The following RETREG3 variants were observed in gnomAD, a reference collection of about 807,000 sequenced individuals.
RETREG3 encodes the protein reticulophagy regulator 3.
RETREG3 carries 23 observed loss-of-function variants against 50.2 expected under a neutral mutation model. The ratio of observed to expected loss-of-function variants is 0.46; its 90% CI spans 0.33 to 0.65. The LOEUF is 0.65. Among genes scored for constraint, RETREG3 ranks in the 30% least tolerant of loss-of-function variants. The pLI, the probability that RETREG3 is intolerant of heterozygous loss-of-function variation, is 0.02. For synonymous variants in RETREG3, 240 were observed against 234.4 expected (o/e 1.02, Z -0.22); for missense variants, 546 against 598.0 (o/e 0.91, Z 0.91).
chr17:42,598,297 T>C (rs1277740904), intron 1 of RETREG3, among the ~76,000 whole-genome samples: 1 of 152,070 alleles, frequency 6.6e-6, no homozygotes, highest in Non-Finnish European at 1.5e-5. Context: ...TCTGAAGTTA[T>C]TATTGTGGCT....
Position 42,582,609 on chromosome 17 carries a change from T to A in RETREG3, c.943+65A>T, listed in dbSNP as rs2093111881. On this transcript the variant is annotated intron_variant, in intron 8 of 8. Transcript: ENST00000309428. Reference sequence around the variant, plus strand: ...GAGGGGCAAGCACCAGTATCCCCTCTGTTCAGGGAAGCTAAGAGGCAACAG... The same window carrying A: ...GAGGGGCAAGCACCAGTATCCCCTCAGTTCAGGGAAGCTAAGAGGCAACAG... 1.9e-6 allele frequency: 3 copies of A among 1,599,904 alleles called. No individual in the cohort carries two copies. In the East Asian group the frequency reaches 6.7e-5, roughly 36 times the overall value.
chr17:42,590,898 C>A (rs1231131893), intron 2 of RETREG3, among the ~76,000 whole-genome samples: 3 of 151,926 alleles, frequency 2.0e-5, no homozygotes, highest in African/African-American at 4.8e-5. Flanking sequence ...ACCTGGGAGG[C>A]GGAGGTTGCA....
rs1208385040 is a variant in RETREG3, at chr17:42,598,110, T to G, written c.240-5948A>C. On this transcript the variant is annotated intron_variant, in intron 1 of 8. Coordinates refer to ENST00000309428, the MANE Select transcript of RETREG3 (RefSeq NM_178126.4). ...CATTCTCCTGCCTCAGCCTCCCGAG[T>G]AGCTGGGACTACAGGCGCCCGCCAC... 4.7e-5 allele frequency among the ~76,000 whole-genome samples: 7 copies of G among 150,510 alleles called. No individual in the cohort carries two copies. The Admixed American group carries it at 4.7e-4, about 10-fold the overall frequency.
chr17:42,582,049 C>T lies in RETREG3; in HGVS notation c.1165G>A (p.Val389Ile). The T allele has an allele frequency of 6.2e-7, 1 of 1,614,068 alleles. No individual in the cohort carries two copies. Among genetic ancestry groups the T allele is most frequent in the African/African-American group, 1.3e-5 (1 of 75,010 alleles). ...LPELLLGALP[V>I]GSNLTSNLAS... Reference sequence around the variant, plus strand: ...AGGTTGCTGGTGAGGTTGGATCCTACAGGAAGAGCACCAAGCAGGAGCTCC... The same window carrying T: ...AGGTTGCTGGTGAGGTTGGATCCTATAGGAAGAGCACCAAGCAGGAGCTCC... Residue 389 changes from valine (V) to isoleucine (I), a missense_variant, in exon 9 of 9, where the codon GTA becomes ATA. Coordinates refer to ENST00000309428, the MANE Select transcript of RETREG3 (RefSeq NM_178126.4).
intron 2 of RETREG3, among the ~76,000 whole-genome samples, chr17:42,589,433 A>G (rs558064538): frequency 3.3e-5 from 5 of 152,192 alleles, no homozygotes; most frequent in Admixed American, 6.5e-5. Flanking sequence ...TTATACATAT[A>G]TAACAATTAT....
At chr17:42,588,647 C>T (rs958996338) in intron 2 of RETREG3, among the ~76,000 whole-genome samples, 3 of 151,578 alleles carry the variant, frequency 2.0e-5, no homozygotes, top group East Asian at 1.9e-4. Flanking sequence ...CGTACCCAGC[C>T]GAAATCTGCC....
intron 3 of RETREG3, among the ~76,000 whole-genome samples, chr17:42,587,402 G>A (rs551741458): frequency 3.9e-5 from 6 of 152,344 alleles, no homozygotes; most frequent in Admixed American, 3.9e-4. Flanking sequence ...GGAGCTGTAA[G>A]ACACAAGAGG....
In RETREG3 at chr17:42,597,613, ATATATATTTTTTTTT is replaced by A. The variant is rs1377473318; in HGVS notation, c.240-5466_240-5452del. On this transcript the variant is annotated intron_variant, in intron 1 of 8. Coordinates refer to ENST00000309428, the MANE Select transcript of RETREG3 (RefSeq NM_178126.4). The stretch of plus-strand genomic sequence containing the variant: ...TATATATATATATATATATATATAT[ATATATATTTTTTTTT>A]TTTTTTTTTTTTTTTTTTTGAGACA... 1.5e-3 allele frequency among the ~76,000 whole-genome samples: 78 copies of A among 53,740 alleles called. 4 individuals carry two copies. The highest frequency in any genetic ancestry group is 4.0e-3 in the African/African-American group (45 of 11,234). 35.3% of individuals were successfully genotyped at this position (53,740 alleles called of 152,430 possible).
intron 2 of RETREG3, among the ~76,000 whole-genome samples, chr17:42,588,718 C>T (rs1273885543): frequency 6.6e-6 from 1 of 152,024 alleles, no homozygotes; most frequent in Non-Finnish European, 1.5e-5. Flanking sequence ...AATGCAGTGG[C>T]ACGATCTTGG....
chr17:42,605,693 C>T (rs1422796060), intron 1 of RETREG3, among the ~76,000 whole-genome samples: 1 of 152,106 alleles, frequency 6.6e-6, no homozygotes, highest in Non-Finnish European at 1.5e-5. Context: ...TTCTTTTAGT[C>T]TCAAGAGTCA....
At chr17:42,601,301 G>A (rs552668654) in intron 1 of RETREG3, among the ~76,000 whole-genome samples, 16 of 146,214 alleles carry the variant, frequency 1.1e-4, no homozygotes, top group Non-Finnish European at 2.2e-4. Flanking sequence ...AAACTAAGAC[G>A]GTGGCTCAAG....
At chr17:42,594,117 A>G (rs1394991127) in intron 1 of RETREG3, among the ~76,000 whole-genome samples, 1 of 152,240 alleles carries the variant, frequency 6.6e-6, no homozygotes, top group East Asian at 1.9e-4. Context: ...CTAGCCTCGG[A>G]GGTAGAGGTT....
chr17:42,583,632 C>A, intron 6 of RETREG3, 52 bp from the exon 7 acceptor site: 1 of 1,545,580 alleles, frequency 6.5e-7, no homozygotes, highest in South Asian at 1.1e-5. Flanking sequence ...GCGTAAAATC[C>A]CCTTTGGACT....
chr17:42,602,889 G>A (rs529091283), intron 1 of RETREG3, among the ~76,000 whole-genome samples: 25 of 152,158 alleles, frequency 1.6e-4, no homozygotes, highest in African/African-American at 5.8e-4. Context: ...GTTGCAATAA[G>A]CCATGATCAC....
intron 1 of RETREG3, chr17:42,598,716 T>G (rs1366198941): frequency 6.6e-6 from 1 of 152,206 alleles, no homozygotes; most frequent in Non-Finnish European, 1.5e-5. Context: ...TCACGTTATA[T>G]CGTGAACACA....
chr17:42,585,358 A>G lies in RETREG3; in HGVS notation c.590-96T>C, dbSNP rs1032732394. On this transcript the variant is annotated intron_variant, in intron 5 of 8. Coordinates refer to ENST00000309428, the MANE Select transcript of RETREG3 (RefSeq NM_178126.4). ...TGCTATTGGTCCTTAGGGCTTGGAC[A>G]CAAAGTGTGGAACAGATCTGCCCAA... The G allele has an allele frequency of 6.6e-6, 10 of 1,511,098 alleles. No individual in the cohort carries two copies. In the African/African-American group the frequency reaches 1.4e-4, roughly 21 times the overall value. 93.6% of individuals were successfully genotyped at this position (1,511,098 alleles called of 1,614,324 possible).
At chr17:42,597,611 A>T (rs1597740073) in intron 1 of RETREG3, among the ~76,000 whole-genome samples, 3 of 34,472 alleles carry the variant, frequency 8.7e-5, no homozygotes, top group African/African-American at 3.3e-4. Context: ...ATATATATAT[A>T]TATATATATT....
Position 42,581,825 on chromosome 17 carries a change from A to G in RETREG3, c.1389T>C (p.Ser463=), listed in dbSNP as rs763880322. Residue 463 remains serine (S), a synonymous_variant, in exon 9 of 9, where the codon TCT becomes TCC. Transcript: ENST00000309428. ...AGGAGTCTCTGCCTCAGTGGCTCCT[A>G]GAACTGGCAGGGTCCAGCTGACTCA... ...SELSQLDPAS[S]RSH 2.0e-5 allele frequency: 31 copies of G among 1,584,664 alleles called. No individual in the cohort carries two copies. Among genetic ancestry groups the G allele is most frequent in the Non-Finnish European group, 2.5e-5 (29 of 1,163,890 alleles).
At chr17:42,597,615 ATATATTTTTTT>A (rs2093149726) in intron 1 of RETREG3, among the ~76,000 whole-genome samples, 1 of 21,490 alleles carries the variant, frequency 4.7e-5, no homozygotes, top group African/African-American at 1.7e-4. Context: ...ATATATATAT[ATATATTTTTTT>A]TTTTTTTTTT....
Sources: allele counts gnomAD v4.1 joint callset (sites outside exome capture counted in the v4.1 genomes callset), GRCh38; gene constraint gnomAD v4.1.1; transcripts MANE v1.5; gene names NCBI Gene and HGNC (gene_info 2026-07-23, HGNC 2026-07-21).